The following KCNQ3 variants were observed in gnomAD, a reference collection of about 807,000 sequenced individuals.
The protein encoded by KCNQ3 is potassium voltage-gated channel subfamily Q member 3, also known as potassium voltage-gated channel subfamily KQT member 3.
Under a neutral mutation model 92.5 loss-of-function variants are expected in KCNQ3, and 30 were observed. The ratio of observed to expected loss-of-function variants is 0.32; its 90% CI spans 0.24 to 0.44. The LOEUF (loss-of-function observed/expected upper bound fraction) is 0.44. Ranked by LOEUF, KCNQ3 falls within the 20% of genes least tolerant of loss-of-function variation. The pLI, the probability that KCNQ3 is intolerant of heterozygous loss-of-function variation, is 1.00. For missense variants in KCNQ3, 913 were observed against 1,140.3 expected, an observed-to-expected ratio of 0.80 and a Z score of 2.87; for synonymous variants, 450 against 468.8, an observed-to-expected ratio of 0.96 and a Z score of 0.52.
At chr8:132,456,230 A>G (rs1007158830) in intron 1 of KCNQ3, among the ~76,000 whole-genome samples, 2 of 152,052 alleles carry the variant, frequency 1.3e-5, no homozygotes, top group South Asian at 4.2e-4. Context: ...CTCTCTGCCC[A>G]CCCCCAATCC....
intron 1 of KCNQ3, among the ~76,000 whole-genome samples, chr8:132,226,439 G>T (rs1814423537): frequency 6.6e-6 from 1 of 152,110 alleles, no homozygotes; most frequent in Admixed American, 6.5e-5. Context: ...GTGTGTAGGG[G>T]AGTGGAGGCA....
At chr8:132,380,478 G>A (rs1819717469) in intron 1 of KCNQ3, among the ~76,000 whole-genome samples, 1 of 152,086 alleles carries the variant, frequency 6.6e-6, no homozygotes, top group South Asian at 2.1e-4. Flanking sequence ...ATGCAAAACA[G>A]CCCCCGAGAC....
intron 1 of KCNQ3, among the ~76,000 whole-genome samples, chr8:132,212,732 C>T (rs1813898763): frequency 6.6e-6 from 1 of 152,194 alleles, no homozygotes; most frequent in South Asian, 2.1e-4. Context: ...GTGCTTCCTC[C>T]CACAGATTAC....
intron 1 of KCNQ3, among the ~76,000 whole-genome samples, chr8:132,347,703 C>A (rs1249675644): frequency 2.0e-5 from 3 of 152,090 alleles, no homozygotes; most frequent in Non-Finnish European, 4.4e-5. Context: ...ACCGGCCGGG[C>A]GCAGTGGCTC....
rs189285188 is a variant in KCNQ3, at chr8:132,197,874, C to T, written c.387-11693G>A. On this transcript the variant is annotated intron_variant, in intron 1 of 14. Coordinates refer to ENST00000388996, the MANE Select transcript of KCNQ3 (RefSeq NM_004519.4). ...GTATCTTCATGTTGCAAGTACCTGC[C>T]ATGTTTCCCTCATAAACGGGTACCA... Among the ~76,000 whole-genome samples, 16 of 152,296 alleles carry T rather than the reference C, an allele frequency of 1.1e-4. No homozygotes were observed. In the East Asian group the frequency reaches 2.9e-3, roughly 28 times the overall value.
chr8:132,315,135 A>G (rs1284367513), intron 1 of KCNQ3, among the ~76,000 whole-genome samples: 1 of 152,208 alleles, frequency 6.6e-6, no homozygotes, highest in African/African-American at 2.4e-5. Context: ...AATGTGGAAG[A>G]GAAGTGGGAG....
At chr8:132,403,309 G>A (rs1820398551) in intron 1 of KCNQ3, among the ~76,000 whole-genome samples, 1 of 152,098 alleles carries the variant, frequency 6.6e-6, no homozygotes, top group South Asian at 2.1e-4. Flanking sequence ...GACCCCAGCT[G>A]GTCCCATGGC....
At chr8:132,214,189 C>T (rs544261982) in intron 1 of KCNQ3, among the ~76,000 whole-genome samples, 1 of 152,302 alleles carries the variant, frequency 6.6e-6, no homozygotes, top group East Asian at 1.9e-4. Flanking sequence ...ACAGTTCCCT[C>T]CTGGTAACTG....
At chr8:132,141,005 G>A in intron 10 of KCNQ3, 124 bp downstream of exon 10, 1 of 878,866 alleles carries the variant, frequency 1.1e-6, no homozygotes, top group Non-Finnish European at 1.9e-6. Flanking sequence ...CTTGTCGAGG[G>A]AAGGGAGAGA....
chr8:132,356,600 C>T (rs1819024931), intron 1 of KCNQ3, among the ~76,000 whole-genome samples: 1 of 152,110 alleles, frequency 6.6e-6, no homozygotes, highest in Admixed American at 6.5e-5. Flanking sequence ...GGAGGAAGCC[C>T]CATTTCCTGA....
At chr8:132,306,588 G>T (rs1246162028) in intron 1 of KCNQ3, among the ~76,000 whole-genome samples, 1 of 152,182 alleles carries the variant, frequency 6.6e-6, no homozygotes, top group Non-Finnish European at 1.5e-5. Context: ...CAGCTAAATT[G>T]CATCAGTATA....
intron 1 of KCNQ3, among the ~76,000 whole-genome samples, chr8:132,422,054 T>G (rs1195522775): frequency 6.6e-6 from 1 of 152,132 alleles, no homozygotes; most frequent in Non-Finnish European, 1.5e-5. Flanking sequence ...TCTACCCAGA[T>G]GCCTGGTCAG....
chr8:132,392,024 G>A (rs1056535850), intron 1 of KCNQ3, among the ~76,000 whole-genome samples: 5 of 152,118 alleles, frequency 3.3e-5, no homozygotes, highest in East Asian at 1.9e-4. Context: ...TTATCGGCAC[G>A]CATCCTGCTG....
At chr8:132,173,703 T>C (rs759132959) in intron 6 of KCNQ3, among the ~76,000 whole-genome samples, 2 of 152,196 alleles carry the variant, frequency 1.3e-5, no homozygotes, top group African/African-American at 2.4e-5. Flanking sequence ...TCTGCTTTCA[T>C]TATTATTACG....
intron 1 of KCNQ3, among the ~76,000 whole-genome samples, chr8:132,431,437 T>C (rs984653925): frequency 6.6e-6 from 1 of 152,168 alleles, no homozygotes; most frequent in Non-Finnish European, 1.5e-5. Context: ...CACACAGGCA[T>C]CCCTGGCCAG....
intron 1 of KCNQ3, among the ~76,000 whole-genome samples, chr8:132,339,590 G>A (rs575722358): frequency 7.2e-5 from 11 of 152,232 alleles, no homozygotes; most frequent in South Asian, 2.1e-4. Flanking sequence ...GCATGGTGGC[G>A]GATGCCTGTA....
At chr8:132,342,738 C>G (rs1397128914) in intron 1 of KCNQ3, among the ~76,000 whole-genome samples, 1 of 152,158 alleles carries the variant, frequency 6.6e-6, no homozygotes, top group Non-Finnish European at 1.5e-5. Flanking sequence ...GCATTTGAGT[C>G]TGTAAGTGCT....
intron 1 of KCNQ3, among the ~76,000 whole-genome samples, chr8:132,237,363 A>G (rs1356245658): frequency 6.6e-6 from 1 of 152,176 alleles, no homozygotes; most frequent in Non-Finnish European, 1.5e-5. Context: ...TGCATATAAT[A>G]TGTCAGTTGA....
At chr8:132,340,617 G>A (rs1318524284) in intron 1 of KCNQ3, among the ~76,000 whole-genome samples, 2 of 152,046 alleles carry the variant, frequency 1.3e-5, no homozygotes, top group African/African-American at 2.4e-5. Context: ...ATTGGGGGGT[G>A]GTGGGGGATG....
Sources: allele counts gnomAD v4.1 joint callset (sites outside exome capture counted in the v4.1 genomes callset), GRCh38; gene constraint gnomAD v4.1.1; transcripts MANE v1.5; gene names NCBI Gene and HGNC (gene_info 2026-07-23, HGNC 2026-07-21).